The following CSGALNACT1 variants were observed in gnomAD, a reference collection of about 807,000 sequenced individuals.
The protein encoded by CSGALNACT1 is chondroitin sulfate N-acetylgalactosaminyltransferase 1.
In CSGALNACT1, 52 loss-of-function variants were observed where a neutral mutation model predicts 51.0. The ratio of observed to expected loss-of-function variants is 1.02; its 90% CI spans 0.82 to 1.29. The LOEUF is 1.29. CSGALNACT1 is among the 50% of genes most tolerant of loss of function. The pLI is 0.00. For synonymous variants in CSGALNACT1, 341 were observed against 254.4 expected (o/e 1.34, Z -3.24); for missense variants, 935 against 679.2 (o/e 1.38, Z -4.19).
chr8:19,645,590 G>A (rs117561340), intron 1 of CSGALNACT1, among the ~76,000 whole-genome samples: 9 of 152,304 alleles, frequency 5.9e-5, no homozygotes, highest in Admixed American at 2.6e-4. Context: ...GGTTGAGATC[G>A]TGGGTACTAA....
At chr8:19,720,155 C>G (rs746328175) in intron 1 of CSGALNACT1, among the ~76,000 whole-genome samples, 9 of 152,234 alleles carry the variant, frequency 5.9e-5, no homozygotes, top group African/African-American at 1.9e-4. Context: ...TCTGGAGCCA[C>G]TACCCCTGTC....
At chr8:19,709,734 C>A (rs747860033) in intron 1 of CSGALNACT1, among the ~76,000 whole-genome samples, 2 of 152,172 alleles carry the variant, frequency 1.3e-5, no homozygotes, top group African/African-American at 2.4e-5. Context: ...GCCCCCCCGC[C>A]CAGAGTCTGA....
At chr8:19,514,496 T>TAC (rs2079108336) in intron 3 of CSGALNACT1, among the ~76,000 whole-genome samples, 1 of 105,326 alleles carries the variant, frequency 9.5e-6, no homozygotes, top group Admixed American at 9.4e-5. Flanking sequence ...TATATATATA[T>TAC]ATATATATAT....
At chr8:19,495,395 T>C (rs2075273921) in intron 4 of CSGALNACT1, among the ~76,000 whole-genome samples, 1 of 152,048 alleles carries the variant, frequency 6.6e-6, no homozygotes, top group African/African-American at 2.4e-5. Flanking sequence ...GACCAGCCCA[T>C]AAAAACCTCT....
intron 1 of CSGALNACT1, among the ~76,000 whole-genome samples, chr8:19,643,428 G>A (rs1265863505): frequency 6.6e-6 from 1 of 152,066 alleles, no homozygotes; most frequent in Admixed American, 6.6e-5. Context: ...CTTGAGGTCG[G>A]GAGTCCAAGA....
At chr8:19,639,635 A>G (rs1262949766) in intron 1 of CSGALNACT1, among the ~76,000 whole-genome samples, 1 of 152,158 alleles carries the variant, frequency 6.6e-6, no homozygotes, top group Non-Finnish European at 1.5e-5. Flanking sequence ...CTTGGGAGTC[A>G]GGAAGATGGG....
chr8:19,702,705 C>G (rs2061946852), intron 1 of CSGALNACT1, among the ~76,000 whole-genome samples: 1 of 152,114 alleles, frequency 6.6e-6, no homozygotes, highest in African/African-American at 2.4e-5. Flanking sequence ...AGACACCCAT[C>G]TTCTCCCATC....
At chr8:19,636,908 G>C (rs910993527) in intron 1 of CSGALNACT1, among the ~76,000 whole-genome samples, 1 of 152,012 alleles carries the variant, frequency 6.6e-6, no homozygotes, top group Non-Finnish European at 1.5e-5. Context: ...AGAGTCTTAA[G>C]GAGGCCAGGC....
intron 1 of CSGALNACT1, among the ~76,000 whole-genome samples, chr8:19,705,799 T>C (rs537237196): frequency 6.6e-6 from 1 of 152,244 alleles, no homozygotes; most frequent in Non-Finnish European, 1.5e-5. Flanking sequence ...TGACATATTA[T>C]GAATAGATGT....
At position 19,556,208 on chromosome 8, in the gene CSGALNACT1, C is replaced by G. The variant is rs573133312; in HGVS notation, c.-297+34952G>C. Among the ~76,000 whole-genome samples the G allele has an allele frequency of 2.0e-5, 3 of 151,956 alleles. No homozygotes were observed. In the South Asian group the frequency reaches 6.2e-4, roughly 32 times the overall value. ...TGACCAACGTGGTGAAACACTGTCT[C>G]TACTAAAAATACAAAAAGTTAGCTG... On this transcript the variant is annotated intron_variant, in intron 3 of 9. Coordinates refer to ENST00000454498, the Ensembl canonical transcript of CSGALNACT1.
chr8:19,506,993 G>T (rs1240240522), intron 3 of CSGALNACT1, among the ~76,000 whole-genome samples: 3 of 152,202 alleles, frequency 2.0e-5, no homozygotes, highest in Non-Finnish European at 4.4e-5. Context: ...GTTCACCTGT[G>T]TGCACTCACT....
intron 4 of CSGALNACT1, among the ~76,000 whole-genome samples, chr8:19,460,879 C>G (rs908143607): frequency 9.9e-5 from 15 of 152,116 alleles, no homozygotes; most frequent in Non-Finnish European, 1.8e-4. Context: ...TGATCCTGTT[C>G]AAAGATTGGA....
chr8:19,481,972 T>C (rs924905754), intron 4 of CSGALNACT1, among the ~76,000 whole-genome samples: 1 of 152,188 alleles, frequency 6.6e-6, no homozygotes, highest in Non-Finnish European at 1.5e-5. Context: ...TTTTTTTCCA[T>C]ATACTGCAGC....
chr8:19,468,528 C>T lies in CSGALNACT1; in HGVS notation c.635-9886G>A, dbSNP rs139280503. On this transcript the variant is annotated intron_variant, in intron 4 of 9. Coordinates refer to ENST00000454498, the Ensembl canonical transcript of CSGALNACT1. ...ATATTCACCTTAGAGCAGTGTGGGG[C>T]GCAGGTGGATGATGGCAGGGAACGA... Among the ~76,000 whole-genome samples, 47 of 151,870 alleles carry T rather than the reference C, an allele frequency of 3.1e-4. No homozygotes were observed. The East Asian group carries it at 3.9e-3, about 13-fold the overall frequency.
intron 3 of CSGALNACT1, among the ~76,000 whole-genome samples, chr8:19,513,750 C>G (rs1004869711): frequency 1.3e-5 from 2 of 152,086 alleles, no homozygotes; most frequent in South Asian, 4.2e-4. Context: ...CAAACCTGTA[C>G]CACATGTGGC....
chr8:19,527,720 TG>T (rs937859675), intron 3 of CSGALNACT1, among the ~76,000 whole-genome samples: 17 of 152,194 alleles, frequency 1.1e-4, no homozygotes, highest in Admixed American at 3.9e-4. Context: ...AGCTGGAGTG[TG>T]GGGTGCTGAG....
intron 4 of CSGALNACT1, among the ~76,000 whole-genome samples, chr8:19,464,364 CG>C (rs1295278576): frequency 1.3e-5 from 2 of 152,136 alleles, no homozygotes; most frequent in African/African-American, 4.8e-5. Context: ...TCAAAGTTCT[CG>C]CCAGCATCCC....
intron 1 of CSGALNACT1, among the ~76,000 whole-genome samples, chr8:19,669,215 T>G (rs2059604310): frequency 6.6e-6 from 1 of 152,236 alleles, no homozygotes; most frequent in Admixed American, 6.5e-5. Context: ...GATTTGCAAA[T>G]GCAAGCACTA....
chr8:19,531,672 A>G (rs1001501991), intron 3 of CSGALNACT1: 1 of 152,184 alleles, frequency 6.6e-6, no homozygotes, highest in African/African-American at 2.4e-5. Flanking sequence ...ACCTCTTCAG[A>G]GTATAGCCAA....
Sources: allele counts gnomAD v4.1 joint callset (sites outside exome capture counted in the v4.1 genomes callset), GRCh38; gene constraint gnomAD v4.1.1; transcripts MANE v1.5; gene names NCBI Gene and HGNC (gene_info 2026-07-23, HGNC 2026-07-21).